Variants in SF3B3 observed in about 807,000 individuals in gnomAD.
The protein encoded by SF3B3 is splicing factor 3b subunit 3, also known as SAP 130.
In SF3B3, 33 loss-of-function variants were observed where a neutral mutation model predicts 139.2. The ratio of observed to expected loss-of-function variants is 0.24; its 90% CI spans 0.18 to 0.32. SF3B3 has a LOEUF of 0.32. SF3B3 is among the 10% of genes least tolerant of loss of function. The probability of loss-of-function intolerance (pLI) is 1.00; values close to 1 mark genes in which losing one functional copy is unlikely to be tolerated. For missense variants in SF3B3, 818 were observed against 1,509.4 expected (o/e 0.54, Z 7.59); for synonymous variants, 596 against 563.6 (o/e 1.06, Z -0.81).
chr16:70,529,320 C>G (rs545713171), intron 3 of SF3B3, 121 bp downstream of exon 3: 2 of 786,678 alleles, frequency 2.5e-6, no homozygotes, highest in Admixed American at 2.8e-5. Flanking sequence ...TGGATTTACT[C>G]TAGGTTTAAA....
At chr16:70,553,972 G>A (rs1305041361) in intron 11 of SF3B3, 1 of 152,860 alleles carries the variant, frequency 6.5e-6, no homozygotes, top group Non-Finnish European at 1.5e-5. Context: ...GTCTCACAGA[G>A]GCTTAAGTAA....
intron 10 of SF3B3, 40 bp from the exon 11 acceptor site, chr16:70,548,330 C>CA: frequency 6.5e-7 from 1 of 1,543,244 alleles, no homozygotes. Context: ...AGCTGAGTTG[C>CA]ATGCTCACTG....
At position 70,548,359 on chromosome 16, in the gene SF3B3, T is replaced by C. The variant is rs756482274; in HGVS notation, c.1330-11T>C. 9 of 1,613,252 alleles carry C rather than the reference T, an allele frequency of 5.6e-6. No individual in the cohort carries two copies. The highest frequency in any genetic ancestry group is 2.2e-5 in the East Asian group (1 of 44,886). ...CTCACTGGATCTGTGGCTTCCCTCTTCTCCTGTCAGGTGTCAGAAATGGCT... is the reference window on the plus strand; with the variant it reads ...CTCACTGGATCTGTGGCTTCCCTCTCCTCCTGTCAGGTGTCAGAAATGGCT... On this transcript the variant is annotated splice_polypyrimidine_tract_variant and intron_variant, in intron 10 of 25. Transcript: ENST00000302516.
In SF3B3 at chr16:70,548,366, T is replaced by G; in HGVS notation, c.1330-4T>G. ...GATCTGTGGCTTCCCTCTTCTCCTG[T>G]CAGGTGTCAGAAATGGCTGTTTCTG... On this transcript the variant is annotated splice_region_variant and splice_polypyrimidine_tract_variant and intron_variant, in intron 10 of 25. Transcript: ENST00000302516. The G allele has an allele frequency of 4.3e-6, 7 of 1,613,712 alleles. No individual in the cohort carries two copies. The highest frequency in any genetic ancestry group is 5.9e-6 in the Non-Finnish European group (7 of 1,179,630).
rs777730343 is a variant in SF3B3 at position 70,568,500 on chromosome 16, G to A, written c.3165+5G>A. ...AAGTTTGGCAACATATGTGTGGTGAGTTGATGTTGTTAACTTGGGTTACAG... is the reference window on the plus strand; with the variant it reads ...AAGTTTGGCAACATATGTGTGGTGAATTGATGTTGTTAACTTGGGTTACAG... On this transcript the variant is annotated splice_donor_5th_base_variant and intron_variant, in intron 22 of 25. Transcript: ENST00000302516. 2 of 1,609,824 alleles carry A rather than the reference G, an allele frequency of 1.2e-6. No individual in the cohort carries two copies. Among genetic ancestry groups the A allele is most frequent in the Non-Finnish European group, 8.5e-7 (1 of 1,176,858 alleles).
chr16:70,554,652 A>C (rs2050362582), intron 12 of SF3B3, 55 bp downstream of exon 12: 2 of 1,571,540 alleles, frequency 1.3e-6, no homozygotes, highest in East Asian at 2.2e-5. Context: ...CTTGGCCTTC[A>C]TTGTGATGCA....
intron 14 of SF3B3, 25 bp downstream of exon 14, chr16:70,556,359 G>A (rs933465820): frequency 6.2e-7 from 1 of 1,613,826 alleles, no homozygotes; most frequent in Non-Finnish European, 8.5e-7. Context: ...GAGCTTCAAG[G>A]ATCATCTGGT....
chr16:70,569,918 A>G (rs2050512372), intron 23 of SF3B3, 88 bp from the exon 24 acceptor site: 1 of 1,436,954 alleles, frequency 7.0e-7, no homozygotes, highest in Non-Finnish European at 9.6e-7. Context: ...AGATGATGAA[A>G]TGTGCCTTAG....
chr16:70,539,317 G>A, intron 8 of SF3B3, 110 bp downstream of exon 8: 1 of 776,552 alleles, frequency 1.3e-6, no homozygotes, highest in East Asian at 2.6e-5. Flanking sequence ...GGAGGCTGAG[G>A]TGGGTGAATC....
intron 8 of SF3B3, among the ~76,000 whole-genome samples, 179 bp downstream of exon 8, chr16:70,539,386 T>TA (rs1206714611): frequency 6.6e-6 from 1 of 150,848 alleles, no homozygotes; most frequent in Non-Finnish European, 1.5e-5. Context: ...CATCTCTACC[T>TA]AAAATACAAA....
intron 8 of SF3B3, among the ~76,000 whole-genome samples, chr16:70,541,222 T>G (rs2050216547): frequency 6.6e-6 from 1 of 152,230 alleles, no homozygotes; most frequent in Non-Finnish European, 1.5e-5. Flanking sequence ...TTTTTGTGTT[T>G]ATTGGCCATT....
intron 16 of SF3B3, chr16:70,561,296 C>T (rs1313395649): frequency 5.4e-6 from 1 of 186,380 alleles, no homozygotes; most frequent in Non-Finnish European, 1.1e-5. Flanking sequence ...GCTGGGATTA[C>T]AGGCATGAGC....
intron 4 of SF3B3, among the ~76,000 whole-genome samples, chr16:70,531,142 G>T (rs947226703): frequency 2.0e-5 from 3 of 151,928 alleles, no homozygotes; most frequent in African/African-American, 4.8e-5. Flanking sequence ...CGTGGCGGGC[G>T]CCTGTGGTCC....
chr16:70,542,727 T>C (rs926313178), intron 9 of SF3B3, among the ~76,000 whole-genome samples: 1 of 151,994 alleles, frequency 6.6e-6, no homozygotes, highest in Non-Finnish European at 1.5e-5. Context: ...TCTTTTTTTT[T>C]TCTTTTTTTT....
At chr16:70,536,807 CTTTTT>C (rs34747226) in intron 6 of SF3B3, among the ~76,000 whole-genome samples, 2 of 122,668 alleles carry the variant, frequency 1.6e-5, no homozygotes, top group South Asian at 2.8e-4. Flanking sequence ...AATTTTCTTT[CTTTTT>C]TTTTTTTTTT....
chr16:70,560,921 C>T (rs1173504506), intron 16 of SF3B3, among the ~76,000 whole-genome samples: 1 of 152,180 alleles, frequency 6.6e-6, no homozygotes, highest in Non-Finnish European at 1.5e-5. Context: ...GTCACGTTTA[C>T]TACCTAATGT....
chr16:70,531,434 G>A (rs975865319), intron 4 of SF3B3, among the ~76,000 whole-genome samples: 1 of 152,026 alleles, frequency 6.6e-6, no homozygotes, highest in African/African-American at 2.4e-5. Context: ...CTGCCACAAC[G>A]CCCAGCTAAT....
intron 12 of SF3B3, among the ~76,000 whole-genome samples, 188 bp from the exon 13 acceptor site, chr16:70,554,863 C>T (rs935885335): frequency 8.5e-5 from 13 of 152,194 alleles, no homozygotes; most frequent in Admixed American, 8.5e-4. Context: ...GTGGACACTG[C>T]AAAACATGAA....
In SF3B3 at chr16:70,564,543, A is replaced by G. The variant is rs1003807310; in HGVS notation, c.2463+493A>G. Among the ~76,000 whole-genome samples, 10 of 152,276 alleles carry G rather than the reference A, an allele frequency of 6.6e-5. No homozygotes were observed. In the Middle Eastern group the frequency reaches 0.01, roughly 155 times the overall value. On this transcript the variant is annotated intron_variant, in intron 18 of 25. Coordinates refer to ENST00000302516, the MANE Select transcript of SF3B3 (RefSeq NM_012426.5). ...ATTCACAATTAAGTTCCCTCTCTGA[A>G]ACAGAATTCTCCCGTCCTTGAGCTT...
Sources: gnomAD v4.1 joint callset for allele counts (sites outside exome capture counted in the v4.1 genomes callset) on GRCh38, gnomAD v4.1.1 for gene constraint, MANE v1.5 for transcripts, NCBI Gene and HGNC (gene_info 2026-07-23, HGNC 2026-07-21) for gene names.